The following DEPDC5 variants were observed in gnomAD, a reference collection of about 807,000 sequenced individuals.
The protein encoded by DEPDC5 is GATOR1 complex protein DEPDC5.
In DEPDC5, 73 loss-of-function variants were observed where a neutral mutation model predicts 217.3. The ratio of observed to expected loss-of-function variants is 0.34; its 90% CI spans 0.28 to 0.41. The LOEUF is 0.41. Among genes scored for constraint, DEPDC5 ranks in the 10% least tolerant of loss-of-function variants. The pLI, the probability that DEPDC5 is intolerant of heterozygous loss-of-function variation, is 1.00. For synonymous variants in DEPDC5, 733 were observed against 756.7 expected, an observed-to-expected ratio of 0.97 and a Z score of 0.51; for missense variants, 1,675 against 2,070.1, an observed-to-expected ratio of 0.81 and a Z score of 3.70.
rs1601989091 is a variant in DEPDC5 at position 31,804,332 on chromosome 22, T to C, written c.1143+109T>C. ...TTATAGTCCCACTTACTCGAGAGGC[T>C]GAAGTGGGAAGATCCCTTAAGCCTA... On this transcript the variant is annotated intron_variant, in intron 16 of 42. Coordinates refer to ENST00000651528, the MANE Select transcript of DEPDC5 (RefSeq NM_001242896.3). 3 of 1,073,502 alleles carry C rather than the reference T, an allele frequency of 2.8e-6. 1 individual carries two copies. In the South Asian group the frequency reaches 4.0e-5, roughly 14 times the overall value. The allele number at this position is 1,073,502 out of a possible 1,614,324, so 66.5% of individuals were successfully genotyped here.
At chr22:31,875,974 G>A in intron 36 of DEPDC5, 183 bp from the exon 37 acceptor site, 1 of 540,710 alleles carries the variant, frequency 1.8e-6, no homozygotes, top group East Asian at 2.9e-5. Flanking sequence ...TGAAATATTT[G>A]ATGATGATAC....
At chr22:31,779,111 A>G (rs181369523) in intron 8 of DEPDC5, among the ~76,000 whole-genome samples, 34 of 152,254 alleles carry the variant, frequency 2.2e-4, no homozygotes, top group Non-Finnish European at 2.4e-4. Flanking sequence ...CCTTCACCCT[A>G]CAAATCTACA....
chr22:31,889,773 C>G (rs1010698414), intron 38 of DEPDC5, among the ~76,000 whole-genome samples: 1 of 151,902 alleles, frequency 6.6e-6, no homozygotes, highest in Non-Finnish European at 1.5e-5. Context: ...CTCCTGACCT[C>G]GTGATCCACC....
intron 10 of DEPDC5, chr22:31,785,121 C>T (rs896733923): frequency 3.8e-5 from 15 of 394,510 alleles, no homozygotes; most frequent in Middle Eastern, 7.6e-4. Flanking sequence ...AGTATGCTTG[C>T]TTTTGCCACT....
At chr22:31,901,336 G>A (rs5998169) in intron 40 of DEPDC5, among the ~76,000 whole-genome samples, 22,183 of 152,104 alleles carry the variant, frequency 0.15, 2,392 homozygotes, top group African/African-American at 0.31. Context: ...ACTTGAGCTC[G>A]GGAATTCAAG....
chr22:31,784,037 C>A, intron 9 of DEPDC5, 52 bp downstream of exon 9: 1 of 1,460,810 alleles, frequency 6.8e-7, no homozygotes, highest in Non-Finnish European at 9.4e-7. Flanking sequence ...TTTTCTGGAA[C>A]TGCAAATGCT....
rs1378434923 is a variant in DEPDC5, at chr22:31,846,834, A to G, written c.3022A>G (p.Lys1008Glu). ...CCTTGTCTCCTCTTCTCTGCTTTAG[A>G]AAGGGACCGCCATGAAAGGCTTGCA... ...RRHRSDRMMR[K>E]GTAMKGLQMT... Residue 1008 changes from lysine to glutamate, a missense_variant and splice_region_variant, in exon 31 of 43, where the codon AAA (lysine) becomes GAA (glutamate). Around this residue, in one of 11 missense-constraint regions of DEPDC5, gnomAD observed 293 missense variants for 386.1 expected, o/e 0.76. Transcript: ENST00000651528. 1 of 1,613,938 alleles carries G rather than the reference A, an allele frequency of 6.2e-7. No homozygotes were observed. Among genetic ancestry groups the G allele is most frequent in the Non-Finnish European group, 8.5e-7 (1 of 1,180,026 alleles).
chr22:31,869,906 A>G (rs892314687), intron 33 of DEPDC5, among the ~76,000 whole-genome samples: 8 of 152,172 alleles, frequency 5.3e-5, no homozygotes, highest in Non-Finnish European at 8.8e-5. Context: ...AGAGGCTGCA[A>G]TCAGGGGCTA....
At chr22:31,869,451 G>C (rs1278709101) in intron 33 of DEPDC5, among the ~76,000 whole-genome samples, 1 of 151,532 alleles carries the variant, frequency 6.6e-6, no homozygotes, top group African/African-American at 2.4e-5. Flanking sequence ...TGTAATCCCT[G>C]CTACTTGAGA....
At chr22:31,789,638 C>A (rs904733520) in intron 10 of DEPDC5, among the ~76,000 whole-genome samples, 1 of 152,178 alleles carries the variant, frequency 6.6e-6, no homozygotes, top group South Asian at 2.1e-4. Context: ...TTATTTCATT[C>A]GATTATCTCA....
intron 37 of DEPDC5, among the ~76,000 whole-genome samples, chr22:31,879,111 TA>T (rs1217792656): frequency 7.5e-6 from 1 of 133,854 alleles, no homozygotes; most frequent in Non-Finnish European, 1.5e-5. Context: ...TATATACATA[TA>T]TATACACATA....
intron 24 of DEPDC5, among the ~76,000 whole-genome samples, chr22:31,823,387 G>C (rs957764561): frequency 3.3e-5 from 5 of 151,978 alleles, no homozygotes; most frequent in Non-Finnish European, 5.9e-5. Context: ...AAAAAGATTA[G>C]CCAGGCATGG....
intron 37 of DEPDC5, 148 bp downstream of exon 37, chr22:31,876,413 T>C: frequency 1.6e-6 from 1 of 628,694 alleles, no homozygotes; most frequent in Non-Finnish European, 2.8e-6. Flanking sequence ...CCTTTGTACT[T>C]AATTTAAGCA....
In DEPDC5 at chr22:31,873,531, A is replaced by C. The variant is rs1480582863; in HGVS notation, c.3563+199A>C. ...AATTGTTTTTTGTTTTTTTTTTTTG[A>C]GGCAGAGTCTCACTCTGTCACCCAG... On this transcript the variant is annotated intron_variant, in intron 35 of 42. Coordinates refer to ENST00000651528, the MANE Select transcript of DEPDC5 (RefSeq NM_001242896.3). Among the ~76,000 whole-genome samples, 4 of 148,678 alleles carry C rather than the reference A, an allele frequency of 2.7e-5. No individual in the cohort carries two copies. In the East Asian group the frequency reaches 7.8e-4, roughly 29 times the overall value.
Position 31,906,648 on chromosome 22 carries a change from T to G in DEPDC5, c.*151T>G. On this transcript the variant is annotated 3_prime_UTR_variant, in exon 43 of 43. Transcript: ENST00000651528. This position sits in a 1 kb window ranked among gnomAD's most constrained non-coding sequence, Gnocchi z 5.1. ...GTTTTTTGTTTGTTTGTTTGTTTGT[T>G]TGTTTGTTTTTGGCCCCCACGACAA... The G allele has an allele frequency of 9.3e-7, 1 of 1,077,028 alleles. No homozygotes were observed. The highest frequency in any genetic ancestry group is 1.3e-6 in the Non-Finnish European group (1 of 758,254). The allele number at this position is 1,077,028 out of a possible 1,614,324, so 66.7% of individuals were successfully genotyped here. A position where few individuals can be genotyped will look rare whatever the true frequency, so the allele number is the denominator to read the frequency against.
chr22:31,826,978 C>G (rs1473159132), intron 24 of DEPDC5, among the ~76,000 whole-genome samples: 1 of 151,134 alleles, frequency 6.6e-6, no homozygotes, highest in Non-Finnish European at 1.5e-5. Context: ...ACTGCAGCCT[C>G]AACCTTTTGG....
intron 18 of DEPDC5, among the ~76,000 whole-genome samples, chr22:31,806,469 A>G (rs2087554029): frequency 6.6e-6 from 1 of 152,270 alleles, no homozygotes; most frequent in Non-Finnish European, 1.5e-5. Flanking sequence ...TTATAACTTT[A>G]TACATTAGAT....
intron 18 of DEPDC5, among the ~76,000 whole-genome samples, chr22:31,807,798 A>G (rs926274229): frequency 6.6e-6 from 1 of 152,166 alleles, no homozygotes; most frequent in Non-Finnish European, 1.5e-5. Flanking sequence ...TGCAGGCCCC[A>G]CACCCGAGTG....
chr22:31,847,119 G>GT, intron 31 of DEPDC5, 152 bp downstream of exon 31: 1 of 1,084,322 alleles, frequency 9.2e-7, no homozygotes, highest in Non-Finnish European at 1.3e-6. Flanking sequence ...CTAATACCTG[G>GT]TAGGTGTTGG....
Sources: allele counts gnomAD v4.1 joint callset (sites outside exome capture counted in the v4.1 genomes callset), GRCh38; gene constraint gnomAD v4.1.1; regional missense constraint gnomAD v4.1.1; non-coding constraint Gnocchi (gnomAD v3.1); transcripts MANE v1.5; gene names NCBI Gene and HGNC (gene_info 2026-07-23, HGNC 2026-07-21).